LTBP1: variants seen among roughly 807,000 people sequenced by gnomAD.
LTBP1 encodes latent transforming growth factor beta binding protein 1.
A neutral mutation model predicts 207.6 loss-of-function variants in LTBP1; 129 were observed. The ratio of observed to expected loss-of-function variants is 0.62; its 90% confidence interval spans 0.54 to 0.72. The LOEUF is 0.72. LTBP1 is among the 30% of genes least tolerant of loss of function. The pLI is 0.00. For missense variants in LTBP1, 2,281 were observed against 2,217.2 expected (o/e 1.03, Z -0.58); for synonymous variants, 963 against 833.7 (o/e 1.16, Z -2.67).
intron 2 of LTBP1, among the ~76,000 whole-genome samples, chr2:33,007,743 G>A (rs911031606): frequency 1.1e-4 from 16 of 152,174 alleles, no homozygotes; most frequent in African/African-American, 3.6e-4. Context: ...AGCGTGTGGG[G>A]GATGAATTTG....
At chr2:33,255,394 C>T (rs2147789547) in intron 11 of LTBP1, among the ~76,000 whole-genome samples, 1 of 152,218 alleles carries the variant, frequency 6.6e-6, no homozygotes, top group Admixed American at 6.5e-5. Flanking sequence ...GGACTGTAAA[C>T]TAGTTCAACC....
chr2:32,957,877 T>C (rs1022132784), intron 2 of LTBP1, among the ~76,000 whole-genome samples: 1 of 152,204 alleles, frequency 6.6e-6, no homozygotes, highest in African/African-American at 2.4e-5. Flanking sequence ...ATTGAGCACG[T>C]CATGTAGACA....
At position 33,167,173 on chromosome 2, in the gene LTBP1, A is replaced by G. The variant is rs114432846; in HGVS notation, c.1202-19683A>G. Among the ~76,000 whole-genome samples the G allele has an allele frequency of 3.1e-3, 476 of 152,354 alleles. 3 individuals are homozygous for G. The highest frequency in any genetic ancestry group is 0.011 in the African/African-American group (455 of 41,582). ...GAGTGCCAAAAAAAGAATTATTTGC[A>G]TGAAAATTAAGATGAATAATTTGGA... On this transcript the variant is annotated intron_variant, in intron 5 of 33. Transcript: ENST00000404816.
chr2:33,012,456 T>C (rs4952281), intron 2 of LTBP1, among the ~76,000 whole-genome samples: 55,892 of 152,210 alleles, frequency 0.37, 12,003 homozygotes, highest in East Asian at 0.96. Flanking sequence ...CTTTGTATCC[T>C]TTATGGTCCC....
At chr2:33,204,898 T>C (rs10211394) in intron 7 of LTBP1, among the ~76,000 whole-genome samples, 1 of 152,350 alleles carries the variant, frequency 6.6e-6, no homozygotes, top group African/African-American at 2.4e-5. Flanking sequence ...CTAGCTTGTG[T>C]TGGTATTTCC....
chr2:33,096,777 A>C (rs2079420564), intron 3 of LTBP1, among the ~76,000 whole-genome samples: 1 of 152,192 alleles, frequency 6.6e-6, no homozygotes, highest in African/African-American at 2.4e-5. Flanking sequence ...AGCACAGGAA[A>C]GTGCATGATT....
chr2:32,961,990 A>G (rs1192786141), intron 2 of LTBP1, among the ~76,000 whole-genome samples: 1 of 151,838 alleles, frequency 6.6e-6, no homozygotes, highest in African/African-American at 2.4e-5. Context: ...GAAGGGCCAT[A>G]TAAACATAAG....
chr2:33,039,108 C>T (rs1478368102), intron 3 of LTBP1, among the ~76,000 whole-genome samples: 7 of 152,192 alleles, frequency 4.6e-5, no homozygotes, highest in African/African-American at 1.7e-4. Context: ...TCGAAGAGTA[C>T]TGATTAGTGT....
chr2:33,010,480 A>G (rs376343756), intron 2 of LTBP1, among the ~76,000 whole-genome samples: 1 of 152,206 alleles, frequency 6.6e-6, no homozygotes, highest in Non-Finnish European at 1.5e-5. Flanking sequence ...AAAGTTAACA[A>G]CAATGTGTTG....
chr2:32,953,434 A>G (rs965993898), intron 2 of LTBP1, among the ~76,000 whole-genome samples: 2 of 152,184 alleles, frequency 1.3e-5, no homozygotes, highest in East Asian at 1.9e-4. Context: ...GACAACTGCT[A>G]GGAGGGCCAC....
chr2:32,987,293 T>C (rs186622190), intron 2 of LTBP1, among the ~76,000 whole-genome samples: 23 of 152,014 alleles, frequency 1.5e-4, no homozygotes, highest in African/African-American at 5.5e-4. Flanking sequence ...GGGGATGATA[T>C]CTTAGGGTGG....
chr2:33,035,954 A>G (rs566642188), intron 3 of LTBP1, among the ~76,000 whole-genome samples: 2 of 152,268 alleles, frequency 1.3e-5, no homozygotes, highest in South Asian at 4.1e-4. Flanking sequence ...CTTTTTTCCC[A>G]GAAAATAATT....
chr2:33,014,259 C>G (rs1019621965), intron 2 of LTBP1, among the ~76,000 whole-genome samples: 8 of 152,072 alleles, frequency 5.3e-5, no homozygotes, highest in African/African-American at 1.9e-4. Flanking sequence ...GGATGTTATG[C>G]TAATTTTTTT....
chr2:32,959,541 GTATA>G (rs1553344451), intron 2 of LTBP1, among the ~76,000 whole-genome samples: 3 of 113,758 alleles, frequency 2.6e-5, no homozygotes, highest in African/African-American at 9.2e-5. Flanking sequence ...TATTATTGCT[GTATA>G]TATATGTGTG....
rs564792569 is a variant in LTBP1, at chr2:33,225,281, A to G, written c.1876+3130A>G. On this transcript the variant is annotated intron_variant, in intron 9 of 33. Transcript: ENST00000404816. ...CATTCAGTGTATCTTCCTTCTACCT[A>G]TTTGAAACTATATAACTACAAAACA... is the stretch of plus-strand genomic sequence containing the variant. 5.9e-5 allele frequency among the ~76,000 whole-genome samples: 9 copies of G among 152,352 alleles called. No individual in the cohort carries two copies. The South Asian group carries it at 1.4e-3, about 25-fold the overall frequency.
At chr2:33,057,519 G>A (rs1293423270) in intron 3 of LTBP1, among the ~76,000 whole-genome samples, 7 of 152,234 alleles carry the variant, frequency 4.6e-5, no homozygotes, top group African/African-American at 9.6e-5. Context: ...AGGAGCCCAC[G>A]GTGGGGTGGG....
intron 3 of LTBP1, among the ~76,000 whole-genome samples, chr2:33,027,013 A>T (rs984063850): frequency 6.6e-6 from 1 of 152,206 alleles, no homozygotes; most frequent in Non-Finnish European, 1.5e-5. Flanking sequence ...TTTGAACTGT[A>T]TGTAAATAAT....
intron 32 of LTBP1, among the ~76,000 whole-genome samples, chr2:33,391,305 A>C (rs1339354542): frequency 2.9e-5 from 4 of 136,414 alleles, no homozygotes; most frequent in Non-Finnish European, 6.2e-5. Context: ...GATGAACAAC[A>C]CTCTTTCTTT....
chr2:33,253,881 C>CTT lies in LTBP1; in HGVS notation c.2167+1062_2167+1063dup, dbSNP rs61042956. Among the ~76,000 whole-genome samples, 458 of 101,690 alleles carry CTT rather than the reference C, an allele frequency of 4.5e-3. 59 individuals carry two copies. Among genetic ancestry groups the CTT allele is most frequent in the African/African-American group, 0.017 (381 of 22,422 alleles). The allele number at this position is 101,690 out of a possible 152,430, so 66.7% of individuals were successfully genotyped here. On this transcript the variant is annotated intron_variant, in intron 11 of 33. Coordinates refer to ENST00000404816, the MANE Select transcript of LTBP1 (RefSeq NM_206943.4). ...TCTTGCTCTTGTGCCATCTGATGCA[C>CTT]TTTTTTTTTTTTTTTTTTTTTTTTT...
Sources: allele counts gnomAD v4.1 joint callset (sites outside exome capture counted in the v4.1 genomes callset), GRCh38; gene constraint gnomAD v4.1.1; transcripts MANE v1.5; gene names NCBI Gene and HGNC (gene_info 2026-07-23, HGNC 2026-07-21).